TBC1D19: variants seen among roughly 807,000 people sequenced by gnomAD.
The protein encoded by TBC1D19 is TBC1 domain family, member 19.
Under a neutral mutation model 89.0 loss-of-function variants are expected in TBC1D19, and 60 were observed. The ratio of observed to expected loss-of-function variants is 0.67; its 90% confidence interval spans 0.55 to 0.84. The LOEUF (loss-of-function observed/expected upper bound fraction) is 0.84, where lower values mean the gene tolerates loss of function less well. TBC1D19 is among the 40% of genes least tolerant of loss of function. The pLI is 0.00. For synonymous variants in TBC1D19, 189 were observed against 199.7 expected, an observed-to-expected ratio of 0.95 and a Z score of 0.45; for missense variants, 500 against 610.8, an observed-to-expected ratio of 0.82 and a Z score of 1.91.
At chr4:26,718,133 C>A in intron 14 of TBC1D19, 116 bp downstream of exon 14, 1 of 711,838 alleles carries the variant, frequency 1.4e-6, no homozygotes. Context: ...CTTAAGATTT[C>A]TCTCAGATGA....
the TBC1D19 span, among the ~76,000 whole-genome samples, chr4:26,836,606 G>A: frequency 1.3e-5 from 2 of 152,216 alleles, no homozygotes; most frequent in South Asian, 4.1e-4. Flanking sequence ...GGGTCCAGAG[G>A]AAAATCCAAA....
At chr4:26,683,822 C>G (rs1713568185) in intron 12 of TBC1D19, 73 bp downstream of exon 12, 4 of 1,211,090 alleles carry the variant, frequency 3.3e-6, no homozygotes, top group East Asian at 2.3e-5. Context: ...GTATGCAGAG[C>G]CTGTGCTATG....
At chr4:26,844,221 C>T in the TBC1D19 span, among the ~76,000 whole-genome samples, 1 of 152,310 alleles carries the variant, frequency 6.6e-6, no homozygotes, top group South Asian at 2.1e-4. Flanking sequence ...CCCAGACCCA[C>T]TAAATTAGAA....
At chr4:26,757,205 G>A (rs1359563478), downstream of TBC1D19, among the ~76,000 whole-genome samples, 1 of 152,116 alleles carries the variant, frequency 6.6e-6, no homozygotes, top group Non-Finnish European at 1.5e-5. Context: ...AGTAGAGACA[G>A]GTTTTCACTA....
At chr4:26,766,083 T>C in the TBC1D19 span, among the ~76,000 whole-genome samples, 1 of 152,046 alleles carries the variant, frequency 6.6e-6, no homozygotes, top group Non-Finnish European at 1.5e-5. Context: ...GAGAGAGGCA[T>C]ACTATTTTTT....
chr4:26,795,496 C>G, the TBC1D19 span, among the ~76,000 whole-genome samples: 1 of 152,138 alleles, frequency 6.6e-6, no homozygotes, highest in African/African-American at 2.4e-5. Context: ...GTTTTGTTCA[C>G]CATCGTATCC....
intron 1 of TBC1D19, among the ~76,000 whole-genome samples, chr4:26,578,271 C>A (rs1307826711): frequency 1.3e-5 from 2 of 152,178 alleles, no homozygotes; most frequent in African/African-American, 4.8e-5. Flanking sequence ...TCTGACATTT[C>A]CAGGCCTATA....
At chr4:26,650,975 C>T (rs1023876156) in intron 7 of TBC1D19, among the ~76,000 whole-genome samples, 1 of 152,164 alleles carries the variant, frequency 6.6e-6, no homozygotes, top group African/African-American at 2.4e-5. Context: ...AATAGGGAAT[C>T]CTTTCCCCAT....
chr4:26,771,457 G>A, the TBC1D19 span, among the ~76,000 whole-genome samples: 114 of 152,070 alleles, frequency 7.5e-4, no homozygotes, highest in African/African-American at 2.6e-3. Context: ...AAAGAAAGGT[G>A]GTATATACAT....
chr4:26,620,776 A>G, intron 4 of TBC1D19, 88 bp downstream of exon 4: 1 of 1,150,186 alleles, frequency 8.7e-7, no homozygotes, highest in Non-Finnish European at 1.2e-6. Flanking sequence ...AGGAGTATGT[A>G]TTATTAATTA....
the TBC1D19 span, among the ~76,000 whole-genome samples, chr4:26,811,937 C>T: frequency 2.0e-5 from 3 of 152,160 alleles, no homozygotes; most frequent in Non-Finnish European, 4.4e-5. Flanking sequence ...TTGTGCCAAC[C>T]TCCTAACTCA....
intron 1 of TBC1D19, among the ~76,000 whole-genome samples, chr4:26,594,412 G>A (rs375891856): frequency 6.6e-6 from 1 of 151,936 alleles, no homozygotes; most frequent in Non-Finnish European, 1.5e-5. Flanking sequence ...AATGGGTGCA[G>A]CATACCAAAA....
chr4:26,650,212 CT>C (rs1352910029), intron 7 of TBC1D19, among the ~76,000 whole-genome samples: 1 of 151,942 alleles, frequency 6.6e-6, no homozygotes, highest in Admixed American at 6.6e-5. Flanking sequence ...ATTTATAATC[CT>C]TTGAGTATAT....
intron 3 of TBC1D19, among the ~76,000 whole-genome samples, chr4:26,616,126 G>C (rs1377649158): frequency 6.6e-6 from 1 of 151,850 alleles, no homozygotes; most frequent in East Asian, 1.9e-4. Context: ...TAAGAAACAA[G>C]ATAAAACAAA....
intron 1 of TBC1D19, among the ~76,000 whole-genome samples, chr4:26,606,585 G>C (rs1741016167): frequency 6.6e-6 from 1 of 152,162 alleles, no homozygotes; most frequent in Non-Finnish European, 1.5e-5. Context: ...AATTGAGTAA[G>C]GTAGGGATGT....
chr4:26,817,743 G>A, the TBC1D19 span, among the ~76,000 whole-genome samples: 5 of 151,858 alleles, frequency 3.3e-5, no homozygotes, highest in Non-Finnish European at 5.9e-5. Context: ...TGAGGTGGGC[G>A]GATCACCTGA....
chr4:26,593,828 A>AG (rs1330683712), intron 1 of TBC1D19, among the ~76,000 whole-genome samples: 1 of 152,256 alleles, frequency 6.6e-6, no homozygotes, highest in African/African-American at 2.4e-5. Context: ...ATCATTAAAA[A>AG]GTCAGGAAAC....
intron 3 of TBC1D19, 67 bp from the exon 4 acceptor site, chr4:26,620,546 A>G: frequency 1.1e-5 from 14 of 1,310,576 alleles, no homozygotes; most frequent in Non-Finnish European, 1.4e-5. Flanking sequence ...AACATGGACT[A>G]CAGAGGTAAG....
At chr4:26,655,045 G>A (rs1744692911) in intron 7 of TBC1D19, among the ~76,000 whole-genome samples, 1 of 151,972 alleles carries the variant, frequency 6.6e-6, no homozygotes, top group Non-Finnish European at 1.5e-5. Flanking sequence ...GTACAGATGG[G>A]GTTTTGGTGT....
Sources: allele counts gnomAD v4.1 joint callset (sites outside exome capture counted in the v4.1 genomes callset), GRCh38; gene constraint gnomAD v4.1.1; transcripts MANE v1.5; gene names NCBI Gene and HGNC (gene_info 2026-07-23, HGNC 2026-07-21).